The following NDUFA5 variants were observed in gnomAD, a reference collection of about 807,000 sequenced individuals.
The protein encoded by NDUFA5 is NADH:ubiquinone oxidoreductase subunit A5, also known as NADH dehydrogenase [ubiquinone] 1 alpha subcomplex subunit 5.
In NDUFA5, 11 loss-of-function variants were observed where a neutral mutation model predicts 19.8. The ratio of observed to expected loss-of-function variants is 0.56; its 90% CI spans 0.35 to 0.92. The LOEUF (loss-of-function observed/expected upper bound fraction) is 0.92, where lower values mean the gene tolerates loss of function less well. Ranked by LOEUF, NDUFA5 falls within the 40% of genes least tolerant of loss-of-function variation. The probability of loss-of-function intolerance (pLI) is 0.01; values close to 1 mark genes in which losing one functional copy is unlikely to be tolerated. For synonymous variants in NDUFA5, 47 were observed against 46.8 expected, an observed-to-expected ratio of 1.00 and a Z score of -0.01; for missense variants, 109 against 134.2, an observed-to-expected ratio of 0.81 and a Z score of 0.93.
the NDUFA5 span, among the ~76,000 whole-genome samples, chr7:123,575,882 C>G: frequency 7.0e-6 from 1 of 143,762 alleles, no homozygotes; most frequent in Non-Finnish European, 1.5e-5. Context: ...TTTTTGGTTA[C>G]TTTTCCCTGG....
chr7:123,590,777 T>C, the NDUFA5 span, among the ~76,000 whole-genome samples: 6 of 152,324 alleles, frequency 3.9e-5, no homozygotes, highest in Admixed American at 3.3e-4. Context: ...GTCTTGGCTA[T>C]GCGGGCTCCT....
chr7:123,566,245 C>T, the NDUFA5 span, among the ~76,000 whole-genome samples: 2 of 152,032 alleles, frequency 1.3e-5, no homozygotes, highest in East Asian at 1.9e-4. Context: ...CCAAAGATTG[C>T]CCCCAAACCA....
chr7:123,590,175 T>G, the NDUFA5 span, among the ~76,000 whole-genome samples: 1 of 152,184 alleles, frequency 6.6e-6, no homozygotes, highest in Non-Finnish European at 1.5e-5. Context: ...TTGTTTGTTT[T>G]TTTTCCTGTA....
the NDUFA5 span, among the ~76,000 whole-genome samples, chr7:123,565,083 G>A: frequency 6.6e-6 from 1 of 152,112 alleles, no homozygotes; most frequent in Admixed American, 6.5e-5. Flanking sequence ...TTGTGATTCA[G>A]TCCAAGCCCA....
chr7:123,556,422 C>A (rs1159934956), intron 2 of NDUFA5: 2 of 158,694 alleles, frequency 1.3e-5, no homozygotes, highest in African/African-American at 4.8e-5. Context: ...CTCTTGGTGA[C>A]AGAGTACAGG....
intron 2 of NDUFA5, among the ~76,000 whole-genome samples, chr7:123,554,341 T>G (rs1798459674): frequency 6.6e-6 from 1 of 152,236 alleles, no homozygotes; most frequent in Admixed American, 6.5e-5. Context: ...GGCTTACATT[T>G]AAGGCTCGCA....
At chr7:123,593,389 T>G in the NDUFA5 span, among the ~76,000 whole-genome samples, 1 of 151,862 alleles carries the variant, frequency 6.6e-6, no homozygotes, top group East Asian at 1.9e-4. Flanking sequence ...TAATTTGGCA[T>G]GTTTTTGCAG....
upstream of NDUFA5, among the ~76,000 whole-genome samples, chr7:123,559,685 C>G (rs1798663325): frequency 6.6e-6 from 1 of 151,680 alleles, no homozygotes; most frequent in Non-Finnish European, 1.5e-5. Flanking sequence ...ACAAAACCTT[C>G]TCTCTACTAA....
At chr7:123,569,028 T>A in the NDUFA5 span, among the ~76,000 whole-genome samples, 37 of 152,322 alleles carry the variant, frequency 2.4e-4, 1 homozygote, top group South Asian at 7.7e-3. Flanking sequence ...GAATGTTTTT[T>A]AAAAACTGAA....
At chr7:123,576,604 G>GTGTA in the NDUFA5 span, among the ~76,000 whole-genome samples, 30 of 152,246 alleles carry the variant, frequency 2.0e-4, no homozygotes, top group South Asian at 4.1e-4. Context: ...GGGATTCTCT[G>GTGTA]TGTAGCTCCA....
chr7:123,557,565 G>C, intron 1 of NDUFA5, 117 bp from the exon 2 acceptor site: 2 of 1,611,860 alleles, frequency 1.2e-6, no homozygotes. Flanking sequence ...GCCAGCTACT[G>C]GTCTCTCAGT....
the NDUFA5 span, among the ~76,000 whole-genome samples, chr7:123,601,102 A>G: frequency 6.6e-6 from 1 of 152,290 alleles, no homozygotes; most frequent in African/African-American, 2.4e-5. Flanking sequence ...GTGAGTGCCG[A>G]TGGTGGCCTG....
At chr7:123,596,642 TAAAG>T in the NDUFA5 span, among the ~76,000 whole-genome samples, 6 of 151,960 alleles carry the variant, frequency 3.9e-5, no homozygotes, top group South Asian at 1.2e-3. Context: ...AAGGAAAAAA[TAAAG>T]AAAGAGAAAA....
chr7:123,584,464 C>G, the NDUFA5 span, among the ~76,000 whole-genome samples: 1 of 151,926 alleles, frequency 6.6e-6, no homozygotes, highest in Non-Finnish European at 1.5e-5. Flanking sequence ...AACAACTGCT[C>G]TATGGAAGTC....
At chr7:123,561,252 T>C (rs575123885), upstream of NDUFA5, among the ~76,000 whole-genome samples, 1 of 152,350 alleles carries the variant, frequency 6.6e-6, no homozygotes, top group South Asian at 2.1e-4. Flanking sequence ...GAATCAGTCC[T>C]CTCAATTCTG....
rs1434645483 is a variant in NDUFA5, at chr7:123,541,467, C to A, written c.*652G>T. 6 of 152,038 alleles carry A rather than the reference C, an allele frequency of 3.9e-5. No homozygotes were observed. 9.4% of individuals were successfully genotyped at this position (152,038 alleles called of 1,614,324 possible). ...AATTTGAAGGTTTTCAAATATAATACAGTAACAACAAAATATAATAAAATT... is the reference window on the plus strand; with the variant it reads ...AATTTGAAGGTTTTCAAATATAATAAAGTAACAACAAAATATAATAAAATT... On this transcript the variant is annotated 3_prime_UTR_variant, in exon 5 of 5. Transcript: ENST00000355749.
In NDUFA5 at chr7:123,540,443, TTC is replaced by T. The variant is rs1797888397; in HGVS notation, c.*1674_*1675del. 1 of 152,142 alleles carries T rather than the reference TTC, an allele frequency of 6.6e-6. No homozygotes were observed. The highest frequency in any genetic ancestry group is 2.4e-5 in the African/African-American group (1 of 41,424). 9.4% of individuals were successfully genotyped at this position (152,142 alleles called of 1,614,324 possible). On this transcript the variant is annotated 3_prime_UTR_variant, in exon 5 of 5. Coordinates refer to ENST00000355749, the MANE Select transcript of NDUFA5 (RefSeq NM_005000.5). The stretch of plus-strand genomic sequence containing the variant: ...CAAAAACACAGCAAGCCATCTTTGT[TTC>T]TGTGTTGTCCAAAGGACCTGAAAAA...
the NDUFA5 span, among the ~76,000 whole-genome samples, chr7:123,566,205 C>T: frequency 6.6e-6 from 1 of 152,048 alleles, no homozygotes; most frequent in Non-Finnish European, 1.5e-5. Flanking sequence ...AGGCAGAGAT[C>T]AGAGTGATGC....
chr7:123,550,393 G>A (rs894715713), intron 3 of NDUFA5, 77 bp downstream of exon 3: 12 of 794,766 alleles, frequency 1.5e-5, no homozygotes, highest in South Asian at 5.9e-5. Context: ...AAAGTGTGTC[G>A]AATATATAAA....
Sources: gnomAD v4.1 joint callset for allele counts (sites outside exome capture counted in the v4.1 genomes callset) on GRCh38, gnomAD v4.1.1 for gene constraint, MANE v1.5 for transcripts, NCBI Gene and HGNC (gene_info 2026-07-23, HGNC 2026-07-21) for gene names.